Variants in NBPF12 observed in about 807,000 individuals in gnomAD.
NBPF12 encodes NBPF family member NBPF12.
NBPF12 carries 115 observed loss-of-function variants against 146.4 expected under a neutral mutation model. That is an observed-to-expected ratio of 0.79 (90% CI 0.68 to 0.92). NBPF12 has a LOEUF of 0.92. Among genes scored for constraint, NBPF12 ranks in the 40% least tolerant of loss-of-function variants. The pLI is 0.00. For missense variants in NBPF12, 1,205 were observed against 1,326.8 expected (o/e 0.91, Z 1.43); for synonymous variants, 385 against 508.9 (o/e 0.76, Z 3.28).
intron 1 of NBPF12, among the ~76,000 whole-genome samples, chr1:146,950,437 C>T (rs1267524680): frequency 6.6e-6 from 1 of 151,746 alleles, no homozygotes; most frequent in Non-Finnish European, 1.5e-5. Flanking sequence ...AATGAGGGAA[C>T]ATGGAGGGGA....
chr1:146,963,216 G>T (rs1655973474), exon 6 of NBPF12: 5 of 1,608,452 alleles, frequency 3.1e-6, no homozygotes, highest in Admixed American at 1.7e-5. Flanking sequence ...CCTCACTCCG[G>T]ATGAGCCGGA....
At chr1:146,972,729 T>G in intron 13 of NBPF12, 22 bp from the exon 17 acceptor site, 1 of 1,364,040 alleles carries the variant, frequency 7.3e-7, no homozygotes, top group Non-Finnish European at 1.0e-6. Flanking sequence ...ACCCATCATG[T>G]GTTTGCCTTT....
intron 15 of NBPF12, among the ~76,000 whole-genome samples, chr1:146,975,311 T>A: frequency 7.7e-6 from 1 of 130,296 alleles, no homozygotes; most frequent in Middle Eastern, 3.9e-3. Context: ...TTTCTGTACA[T>A]GGCTTTGTAT....
chr1:146,974,263 A>G (rs1211101721), intron 14 of NBPF12, among the ~76,000 whole-genome samples: 2 of 145,540 alleles, frequency 1.4e-5, no homozygotes, highest in African/African-American at 2.6e-5. Flanking sequence ...AACTGAAGAT[A>G]TGATTAAAAA....
At position 146,988,020 on chromosome 1, in the gene NBPF12, T is replaced by G; in HGVS notation, c.3183T>G (p.Tyr1061Ter). ...TGCAGGACTCACTGGATAGATGTTA[T>G]TCAACTCCTTCCAGTTGTCTTGAAC... is the stretch of plus-strand genomic sequence containing the variant. Residue 1061 changes from tyrosine to a stop codon, truncating the protein, a stop_gained, in exon 26 of 34, where the codon TAT becomes TAG. Coordinates refer to ENST00000617844, the Ensembl canonical transcript of NBPF12. LOFTEE classifies it high-confidence loss of function. The G allele has an allele frequency of 1.5e-6, 1 of 655,936 alleles. No homozygotes were observed. The highest frequency in any genetic ancestry group is 2.7e-6 in the Non-Finnish European group (1 of 367,036). 40.6% of individuals were successfully genotyped at this position (655,936 alleles called of 1,614,324 possible). A position where few individuals can be genotyped will look rare whatever the true frequency, so the allele number is the denominator to read the frequency against.
upstream of NBPF12, among the ~76,000 whole-genome samples, chr1:146,944,367 C>T (rs1487937820): frequency 1.4e-5 from 2 of 144,810 alleles, no homozygotes; most frequent in African/African-American, 5.0e-5. Flanking sequence ...ATCCTTCTCA[C>T]GTGGCCATCC....
intron 6 of NBPF12, among the ~76,000 whole-genome samples, chr1:146,963,887 T>G (rs1277758540): frequency 2.1e-5 from 3 of 144,696 alleles, no homozygotes; most frequent in African/African-American, 8.0e-5. Flanking sequence ...GCACTCCCCA[T>G]GGATAGAATG....
upstream of NBPF12, among the ~76,000 whole-genome samples, chr1:146,945,078 C>G (rs1156912769): frequency 7.7e-6 from 1 of 130,104 alleles, no homozygotes; most frequent in African/African-American, 2.8e-5. Flanking sequence ...TTTTCTTCCT[C>G]CCTCCCTTCC....
chr1:146,964,472 T>A, intron 7 of NBPF12, 43 bp downstream of exon 10: 1 of 1,594,540 alleles, frequency 6.3e-7, no homozygotes, highest in Non-Finnish European at 8.6e-7. Flanking sequence ...TGGTAACATA[T>A]GAAAATGTCT....
chr1:146,972,371 G>A (rs1216635914), intron 13 of NBPF12, among the ~76,000 whole-genome samples: 20 of 150,904 alleles, frequency 1.3e-4, no homozygotes, highest in Middle Eastern at 3.5e-3. Context: ...TGCAGCCTGC[G>A]TGACAGAGTG....
At position 146,957,930 on chromosome 1, in the gene NBPF12, A is replaced by G. The variant is rs1207011945; in HGVS notation, c.-183-1929A>G. 6.1e-3 allele frequency among the ~76,000 whole-genome samples: 743 copies of G among 121,972 alleles called. 135 individuals are homozygous for G. Among genetic ancestry groups the G allele is most frequent in the Admixed American group, 0.011 (120 of 11,212 alleles). 80.0% of individuals were successfully genotyped at this position (121,972 alleles called of 152,430 possible). A position where few individuals can be genotyped will look rare whatever the true frequency, so the allele number is the denominator to read the frequency against. On this transcript the variant is annotated intron_variant, in intron 2 of 33. Transcript: ENST00000617844. ...GTATGTATATACACGTATATAATAT[A>G]TATTCGTGTGTGTATATATATTTTA...
chr1:146,990,783 T>G (rs1360723234), intron 29 of NBPF12, among the ~76,000 whole-genome samples: 31 of 113,050 alleles, frequency 2.7e-4, no homozygotes, highest in African/African-American at 1.1e-3. Context: ...GGAAAATTAT[T>G]GAGCCCACTG....
chr1:146,980,453 C>A (rs1332621428), intron 19 of NBPF12, among the ~76,000 whole-genome samples: 7 of 151,802 alleles, frequency 4.6e-5, no homozygotes, highest in Admixed American at 3.9e-4. Flanking sequence ...TGGCTGGTAC[C>A]GGTTGTTCCT....
intron 8 of NBPF12, 79 bp downstream of exon 11, chr1:146,965,183 C>T (rs1656109041): frequency 5.9e-6 from 5 of 851,098 alleles, no homozygotes; most frequent in East Asian, 2.4e-5. Flanking sequence ...TGTATATACA[C>T]ATATTGTTAT....
intron 1 of NBPF12, among the ~76,000 whole-genome samples, chr1:146,942,503 A>G (rs1654852472): frequency 6.6e-6 from 1 of 151,680 alleles, no homozygotes; most frequent in Admixed American, 6.6e-5. Context: ...CATGAAACAG[A>G]TATTGAATAA....
chr1:146,992,794 T>C (rs1236246925), exon 32 of NBPF12: 1 of 687,610 alleles, frequency 1.5e-6, no homozygotes. Context: ...TCCTTCCAGT[T>C]GTCTTGAACA....
intron 14 of NBPF12, among the ~76,000 whole-genome samples, chr1:146,974,168 T>C (rs1656842047): frequency 6.7e-6 from 1 of 149,686 alleles, no homozygotes; most frequent in African/African-American, 2.5e-5. Context: ...AGAAACTTCA[T>C]TAGCATTTGG....
At chr1:146,973,096 C>G in intron 14 of NBPF12, 136 bp downstream of exon 17, 1 of 617,420 alleles carries the variant, frequency 1.6e-6, no homozygotes, top group Non-Finnish European at 2.9e-6. Context: ...GGTATTTTAA[C>G]ATTTTGTTAA....
intron 1 of NBPF12, among the ~76,000 whole-genome samples, chr1:146,941,821 C>T (rs1455787489): frequency 4.9e-5 from 7 of 143,220 alleles, no homozygotes; most frequent in African/African-American, 5.2e-5. Flanking sequence ...AATATGAACA[C>T]ACTTTTCTAT....
Sources: allele counts gnomAD v4.1 joint callset (sites outside exome capture counted in the v4.1 genomes callset), GRCh38; gene constraint gnomAD v4.1.1; transcripts MANE v1.5; gene names NCBI Gene and HGNC (gene_info 2026-07-23, HGNC 2026-07-21).